Variants in PLEKHA7 observed in about 807,000 individuals in gnomAD.
The protein encoded by PLEKHA7 is pleckstrin homology domain-containing family A member 7.
In PLEKHA7, 104 loss-of-function variants were observed where a neutral mutation model predicts 170.0. That is an observed-to-expected ratio of 0.61 (90% CI 0.52 to 0.72). PLEKHA7 has a LOEUF of 0.72. PLEKHA7 is among the 30% of genes least tolerant of loss of function. The probability of loss-of-function intolerance (pLI) is 0.00; values close to 1 mark genes in which losing one functional copy is unlikely to be tolerated. For synonymous variants in PLEKHA7, 648 were observed against 660.8 expected (o/e 0.98, Z 0.30); for missense variants, 1,615 against 1,671.7 (o/e 0.97, Z 0.59).
intron 3 of PLEKHA7, among the ~76,000 whole-genome samples, chr11:16,951,061 G>C (rs1861376639): frequency 6.6e-6 from 1 of 152,170 alleles, no homozygotes; most frequent in Admixed American, 6.5e-5. Context: ...CATTTACTGA[G>C]TGCTTGCTAC....
At chr11:16,822,983 T>TTATA (rs1308624049) in intron 10 of PLEKHA7, among the ~76,000 whole-genome samples, 52 of 64,934 alleles carry the variant, frequency 8.0e-4, no homozygotes, top group African/African-American at 2.2e-3. Flanking sequence ...TATGTATGTA[T>TTATA]TATTTATTTA....
chr11:16,819,345 C>T (rs557606491), intron 10 of PLEKHA7, among the ~76,000 whole-genome samples: 1 of 152,224 alleles, frequency 6.6e-6, no homozygotes, highest in South Asian at 2.1e-4. Flanking sequence ...TGATCTGCCC[C>T]CCTCAGCCTA....
chr11:16,779,176 ACACATGGGGCTCTTGCCC>A (rs1243791296), intron 26 of PLEKHA7, among the ~76,000 whole-genome samples, 156 bp from the exon 27 acceptor site: 1 of 152,152 alleles, frequency 6.6e-6, no homozygotes, highest in Non-Finnish European at 1.5e-5. Flanking sequence ...AGCTTCCAGG[ACACATGGGGCTCTTGCCC>A]CACCCTCCCT....
rs895447056 is a variant in PLEKHA7 at position 17,014,061 on chromosome 11, G to A, written c.164-15C>T. ...GCGGGGCAGGTCTGCGGAAACGCCAGAAAAGTCGGGTCAAACTTGGGCCGC... is the reference window on the plus strand; with the variant it reads ...GCGGGGCAGGTCTGCGGAAACGCCAAAAAAGTCGGGTCAAACTTGGGCCGC... On this transcript the variant is annotated splice_polypyrimidine_tract_variant and intron_variant, in intron 2 of 26. Transcript: ENST00000531066. The A allele has an allele frequency of 1.3e-6, 2 of 1,573,580 alleles. No homozygotes were observed. The highest frequency in any genetic ancestry group is 2.3e-5 in the East Asian group (1 of 42,612).
chr11:16,871,384 C>T (rs577828200), intron 3 of PLEKHA7, among the ~76,000 whole-genome samples: 1 of 152,220 alleles, frequency 6.6e-6, no homozygotes, highest in South Asian at 2.1e-4. Flanking sequence ...GCTCAGGTGC[C>T]AGAGCCCACC....
In PLEKHA7 at chr11:16,803,288, C is replaced by A; in HGVS notation, c.2015G>T (p.Gly672Val). The A allele has an allele frequency of 6.2e-7, 1 of 1,613,444 alleles. No homozygotes were observed. Among genetic ancestry groups the A allele is most frequent in the South Asian group, 1.1e-5 (1 of 91,058 alleles). ...DLEYLDLKMT[G>V]RDLLKDRSLK... is the part of the protein sequence containing the mutation. ...ACTTCGATCCTTGAGAAGGTCCCGG[C>A]CTGTCATCTGGGAGGCGAACAATTT... Residue 672 changes from glycine (G) to valine (V), a missense_variant, in exon 14 of 27, where the codon GGC (glycine) becomes GTC (valine). Physicochemically the swap from Gly to Val is moderately radical, Grantham distance 109 (BLOSUM62 -3). Coordinates refer to ENST00000531066, the MANE Select transcript of PLEKHA7 (RefSeq NM_001329630.2).
intron 23 of PLEKHA7, chr11:16,788,762 C>T (rs1300715983): frequency 7.6e-6 from 3 of 395,798 alleles, no homozygotes; most frequent in Non-Finnish European, 9.3e-6. Flanking sequence ...TCCTCCTCTC[C>T]TCTCTGAACC....
At chr11:16,967,628 G>A (rs555920201) in intron 3 of PLEKHA7, among the ~76,000 whole-genome samples, 2 of 152,192 alleles carry the variant, frequency 1.3e-5, no homozygotes, top group South Asian at 4.2e-4. Context: ...CTAAGTCCAG[G>A]AGAGAACAGC....
At position 16,971,536 on chromosome 11, in the gene PLEKHA7, T is replaced by C. The variant is rs372507915; in HGVS notation, c.221+42453A>G. ...GCTGAACTGTATAGGATACGCTCAA[T>C]AATGGAAGCTGTTATTACTACCATA... On this transcript the variant is annotated intron_variant, in intron 3 of 26. Transcript: ENST00000531066. Among the ~76,000 whole-genome samples, 78 of 152,340 alleles carry C rather than the reference T, an allele frequency of 5.1e-4. 2 individuals carry two copies. The South Asian group carries it at 0.016, about 30-fold the overall frequency.
intron 3 of PLEKHA7, among the ~76,000 whole-genome samples, chr11:16,980,713 A>C (rs1178318758): frequency 6.6e-6 from 1 of 152,100 alleles, no homozygotes; most frequent in African/African-American, 2.4e-5. Context: ...ACCTGAGGTC[A>C]AGAGTTGAGA....
intron 25 of PLEKHA7, among the ~76,000 whole-genome samples, chr11:16,783,347 G>C (rs1008154494): frequency 3.3e-5 from 5 of 152,226 alleles, no homozygotes; most frequent in African/African-American, 1.2e-4. Flanking sequence ...GGGTGCACAG[G>C]CCCGAATGCT....
chr11:16,831,125 C>T (rs740624), intron 9 of PLEKHA7, among the ~76,000 whole-genome samples: 70,298 of 152,040 alleles, frequency 0.46, 17,963 homozygotes, highest in East Asian at 0.71. Context: ...ATGAACAGCT[C>T]CTTATTCCCA....
At chr11:16,854,799 G>A (rs1853291278) in intron 6 of PLEKHA7, 90 bp downstream of exon 6, 1 of 1,097,044 alleles carries the variant, frequency 9.1e-7, no homozygotes, top group Admixed American at 1.9e-5. Context: ...GAAAGCTTAT[G>A]TGCCCATCCC....
At chr11:16,899,874 T>C (rs1403892891) in intron 3 of PLEKHA7, among the ~76,000 whole-genome samples, 1 of 152,190 alleles carries the variant, frequency 6.6e-6, no homozygotes, top group Non-Finnish European at 1.5e-5. Flanking sequence ...TCTTTGAGCT[T>C]TATACCATAC....
chr11:16,935,127 T>C (rs1405735438), intron 3 of PLEKHA7, among the ~76,000 whole-genome samples: 1 of 152,236 alleles, frequency 6.6e-6, no homozygotes, highest in Non-Finnish European at 1.5e-5. Context: ...AACCTAAATC[T>C]ATCCACAAAT....
At chr11:16,851,471 C>T (rs986651151) in intron 7 of PLEKHA7, among the ~76,000 whole-genome samples, 180 bp from the exon 8 acceptor site, 10 of 152,002 alleles carry the variant, frequency 6.6e-5, no homozygotes, top group South Asian at 4.2e-4. Context: ...TTTTTTGAGA[C>T]GGAGTTTCGC....
At chr11:16,961,022 C>T (rs578021644) in intron 3 of PLEKHA7, among the ~76,000 whole-genome samples, 2 of 152,346 alleles carry the variant, frequency 1.3e-5, no homozygotes, top group East Asian at 1.9e-4. Flanking sequence ...CCCTCCACCC[C>T]ACTCAAGGAA....
chr11:16,925,991 C>A (rs1050895526), intron 3 of PLEKHA7, among the ~76,000 whole-genome samples: 4 of 152,270 alleles, frequency 2.6e-5, no homozygotes, highest in African/African-American at 9.6e-5. Flanking sequence ...CAGACACCAG[C>A]AGACCTGTCA....
At chr11:16,849,511 T>C (rs570575305) in intron 8 of PLEKHA7, among the ~76,000 whole-genome samples, 10 of 152,306 alleles carry the variant, frequency 6.6e-5, no homozygotes, top group Admixed American at 1.3e-4. Context: ...ATGATACAAT[T>C]AATGTCAATT....
Sources: allele counts gnomAD v4.1 joint callset (sites outside exome capture counted in the v4.1 genomes callset), GRCh38; gene constraint gnomAD v4.1.1; transcripts MANE v1.5; gene names NCBI Gene and HGNC (gene_info 2026-07-23, HGNC 2026-07-21).